The following CDC42 variants were observed in gnomAD, a reference collection of about 807,000 sequenced individuals.
CDC42 encodes cell division control protein 42 homolog.
Under a neutral mutation model 20.8 loss-of-function variants are expected in CDC42, and 1 was observed. That is an observed-to-expected ratio of 0.05 (90% CI 0.02 to 0.23). The LOEUF is 0.23. Among genes scored for constraint, CDC42 ranks in the 10% least tolerant of loss-of-function variants. CDC42 has a pLI of 1.00. For synonymous variants in CDC42, 72 were observed against 84.8 expected (o/e 0.85, Z 0.83); for missense variants, 49 against 227.9 (o/e 0.21, Z 5.05).
At chr1:22,075,348 G>C (rs895796062) in intron 1 of CDC42, among the ~76,000 whole-genome samples, 1 of 152,154 alleles carries the variant, frequency 6.6e-6, no homozygotes, top group Non-Finnish European at 1.5e-5. Context: ...TTTGTGCTGA[G>C]AACAATTAGT....
rs1292817188 is a variant in CDC42 at position 22,097,405 on chromosome 1, CTAATTTTTGTAT to C, written c.*5890_*5901del. 1.3e-5 allele frequency among the ~76,000 whole-genome samples: 2 copies of C among 152,132 alleles called. No individual in the cohort carries two copies. Among genetic ancestry groups the C allele is most frequent in the African/African-American group, 4.8e-5 (2 of 41,414 alleles). ...TACAGGCGTGAGCCACCGTGCCTGGCTAATTTTTGTATTTTTAGTAGAGATGGGGTTTCACCA... is the reference window on the plus strand; with the variant it reads ...TACAGGCGTGAGCCACCGTGCCTGGCTTTTAGTAGAGATGGGGTTTCACCA... On this transcript the variant is annotated 3_prime_UTR_variant, in exon 6 of 6. Transcript: ENST00000656825.
intron 1 of CDC42, among the ~76,000 whole-genome samples, chr1:22,057,720 CT>C (rs550501057): frequency 1.1e-4 from 16 of 147,756 alleles, no homozygotes; most frequent in East Asian, 6.0e-4. Context: ...ATTGCTTTAC[CT>C]TTTTTTTTTC....
chr1:22,078,625 ATTTGAT>A (rs1645575897), intron 2 of CDC42, 42 bp downstream of exon 2: 4 of 1,567,712 alleles, frequency 2.6e-6, no homozygotes, highest in African/African-American at 1.4e-5. Context: ...ATGTTGTAAA[ATTTGAT>A]ATCCTTTTGA....
rs747002932 is a variant in CDC42, at chr1:22,094,294, A to ATTTTTTTTTTTTT, written c.*2786_*2798dup. Among the ~76,000 whole-genome samples, 2,841 of 38,242 alleles carry ATTTTTTTTTTTTT rather than the reference A, an allele frequency of 0.074. 1,098 individuals carry two copies. The highest frequency in any genetic ancestry group is 0.11 in the African/African-American group (870 of 8,188). 25.1% of individuals were successfully genotyped at this position (38,242 alleles called of 152,430 possible). A position where few individuals can be genotyped will look rare whatever the true frequency, so the allele number is the denominator to read the frequency against. ...GTTTTACTGAACATCCTAGAAATAG[A>ATTTTTTTTTTTTT]TTTTTTTTTTTTTTTTTTTTTGAGA... On this transcript the variant is annotated 3_prime_UTR_variant, in exon 6 of 6. Transcript: ENST00000656825.
chr1:22,078,475 A>G lies in CDC42; in HGVS notation c.-4A>G. Reference sequence around the variant, plus strand: ...TTTAAAGTGGATACAAAACTATTTCAGCAATGCAGACAATTAAGTGTGTTG... The same window carrying G: ...TTTAAAGTGGATACAAAACTATTTCGGCAATGCAGACAATTAAGTGTGTTG... On this transcript the variant is annotated 5_prime_UTR_variant, in exon 2 of 6. Transcript: ENST00000656825. 6.3e-7 allele frequency: 1 copy of G among 1,598,714 alleles called. No homozygotes were observed. The highest frequency in any genetic ancestry group is 2.2e-5 in the East Asian group (1 of 44,692).
intron 1 of CDC42, among the ~76,000 whole-genome samples, chr1:22,067,401 C>T (rs1645436340): frequency 6.6e-6 from 1 of 151,986 alleles, no homozygotes; most frequent in Non-Finnish European, 1.5e-5. Flanking sequence ...AGCTCACTCC[C>T]ACCTCCGCCT....
intron 1 of CDC42, among the ~76,000 whole-genome samples, chr1:22,073,491 A>G (rs1645514718): frequency 6.6e-6 from 1 of 151,890 alleles, no homozygotes; most frequent in African/African-American, 2.4e-5. Context: ...GTGAGCCGAG[A>G]TCACGCCATT....
chr1:22,081,415 C>G (rs1374573312), intron 2 of CDC42, among the ~76,000 whole-genome samples: 1 of 152,214 alleles, frequency 6.6e-6, no homozygotes, highest in Non-Finnish European at 1.5e-5. Context: ...TGAAAAGTTT[C>G]AAACTTGAAC....
At chr1:22,085,054 A>T (rs995610813) in intron 3 of CDC42, among the ~76,000 whole-genome samples, 9 of 151,998 alleles carry the variant, frequency 5.9e-5, no homozygotes, top group African/African-American at 2.2e-4. Context: ...CAACATGGTG[A>T]AACCCTGTGT....
intron 1 of CDC42, among the ~76,000 whole-genome samples, chr1:22,077,725 CTTGTAA>C (rs558745873): frequency 3.8e-4 from 58 of 152,184 alleles, no homozygotes; most frequent in African/African-American, 1.3e-3. Context: ...CTCTTTGGTA[CTTGTAA>C]TTGATAGCTT....
intron 1 of CDC42, among the ~76,000 whole-genome samples, chr1:22,069,344 T>C (rs1254057446): frequency 6.6e-6 from 1 of 151,640 alleles, no homozygotes; most frequent in African/African-American, 2.4e-5. Flanking sequence ...CCTGGCAAAT[T>C]TTTGTATTTT....
intron 1 of CDC42, among the ~76,000 whole-genome samples, chr1:22,072,440 C>A (rs139291752): frequency 1.3e-5 from 2 of 151,954 alleles, no homozygotes; most frequent in African/African-American, 4.8e-5. Flanking sequence ...GTACAACTCA[C>A]GAACAGCCAA....
rs754094975 is a variant in CDC42 at position 22,095,708 on chromosome 1, T to C, written c.*4191T>C. 6.6e-6 allele frequency among the ~76,000 whole-genome samples: 1 copy of C among 152,224 alleles called. No individual in the cohort carries two copies. The highest frequency in any genetic ancestry group is 2.1e-4 in the South Asian group (1 of 4,830). ...CGGTAGCTTATTAAAACAGCATTTA[T>C]TTTTCTCATTCATGGGTCAGCTGAA... On this transcript the variant is annotated 3_prime_UTR_variant, in exon 6 of 6. Coordinates refer to ENST00000656825, the MANE Select transcript of CDC42 (RefSeq NM_001791.4).
chr1:22,075,457 C>T (rs1645537796), intron 1 of CDC42, among the ~76,000 whole-genome samples: 1 of 152,154 alleles, frequency 6.6e-6, no homozygotes, highest in African/African-American at 2.4e-5. Context: ...TTACATAGTA[C>T]AGTTATCCAT....
At chr1:22,081,562 A>G (rs531429852) in intron 2 of CDC42, among the ~76,000 whole-genome samples, 160 bp from the exon 3 acceptor site, 1 of 152,150 alleles carries the variant, frequency 6.6e-6, no homozygotes, top group Admixed American at 6.5e-5. Context: ...CATTTAGCTC[A>G]TGCAAGGACT....
In CDC42 at chr1:22,094,340, C is replaced by T. The variant is rs1645742163; in HGVS notation, c.*2823C>T. Among the ~76,000 whole-genome samples, 2 of 89,578 alleles carry T rather than the reference C, an allele frequency of 2.2e-5. No homozygotes were observed. Among genetic ancestry groups the T allele is most frequent in the Admixed American group, 3.3e-4 (2 of 6,100 alleles). The allele number at this position is 89,578 out of a possible 152,430, so 58.8% of individuals were successfully genotyped here. On this transcript the variant is annotated 3_prime_UTR_variant, in exon 6 of 6. Coordinates refer to ENST00000656825, the MANE Select transcript of CDC42 (RefSeq NM_001791.4). ...TGAGACGGAGTCTCGCTCTGTCGCCCAGGCTGGAGTGCAGTGGCGCGATCT... is the reference window on the plus strand; with the variant it reads ...TGAGACGGAGTCTCGCTCTGTCGCCTAGGCTGGAGTGCAGTGGCGCGATCT...
chr1:22,098,206 C>T lies in CDC42; in HGVS notation c.*6689C>T, dbSNP rs1372949150. ...TTTTGATGAAGTTTGCATTATTACT[C>T]CTAACAACGTGCCCTTTGGCAGGTA... On this transcript the variant is annotated 3_prime_UTR_variant, in exon 6 of 6. Coordinates refer to ENST00000656825, the MANE Select transcript of CDC42 (RefSeq NM_001791.4). Among the ~76,000 whole-genome samples the T allele has an allele frequency of 6.6e-6, 1 of 152,130 alleles. No individual in the cohort carries two copies. The highest frequency in any genetic ancestry group is 1.5e-5 in the Non-Finnish European group (1 of 68,016).
chr1:22,075,286 A>C (rs1479397330), intron 1 of CDC42, among the ~76,000 whole-genome samples: 1 of 152,236 alleles, frequency 6.6e-6, no homozygotes, highest in Non-Finnish European at 1.5e-5. Flanking sequence ...CTTAATTAGA[A>C]CTTGACTCTG....
At chr1:22,079,139 CTTTTTTTT>C (rs10609742) in intron 2 of CDC42, among the ~76,000 whole-genome samples, 21,948 of 116,850 alleles carry the variant, frequency 0.19, 2,126 homozygotes, top group Middle Eastern at 0.34. Context: ...TTCTTTTTTT[CTTTTTTTT>C]TTTTTTTTTG....
Sources: gnomAD v4.1 joint callset for allele counts (sites outside exome capture counted in the v4.1 genomes callset) on GRCh38, gnomAD v4.1.1 for gene constraint, MANE v1.5 for transcripts, NCBI Gene and HGNC (gene_info 2026-07-23, HGNC 2026-07-21) for gene names.